The following DPH5 variants were observed in gnomAD, a reference collection of about 807,000 sequenced individuals.
DPH5 encodes the protein diphthine methyl ester synthase.
A neutral mutation model predicts 31.6 loss-of-function variants in DPH5; 31 were observed. The observed-to-expected ratio is 0.98, with a 90% confidence interval of 0.74 to 1.32. The LOEUF is 1.32. Ranked by LOEUF, DPH5 falls within the 40% of genes most tolerant of loss-of-function variation. The pLI is 0.00. For synonymous variants in DPH5, 120 were observed against 115.0 expected (o/e 1.04, Z -0.28); for missense variants, 309 against 335.7 (o/e 0.92, Z 0.62).
chr1:101,015,916 C>CTGGAT (rs1660041292), intron 3 of DPH5, among the ~76,000 whole-genome samples: 1 of 152,208 alleles, frequency 6.6e-6, no homozygotes. Context: ...GAGCCTTGCC[C>CTGGAT]TGGATTAGAC....
intron 6 of DPH5, among the ~76,000 whole-genome samples, chr1:100,994,373 T>C (rs1224240943): frequency 6.6e-6 from 1 of 152,186 alleles, no homozygotes; most frequent in Non-Finnish European, 1.5e-5. Flanking sequence ...ACATTTCAAA[T>C]GCTCCTTAGT....
At chr1:101,021,203 C>T (rs146682498) in intron 3 of DPH5, among the ~76,000 whole-genome samples, 19 of 152,070 alleles carry the variant, frequency 1.2e-4, no homozygotes, top group East Asian at 1.2e-3. Context: ...AGCAAAGTGA[C>T]GGCAGTATTG....
intron 5 of DPH5, among the ~76,000 whole-genome samples, chr1:100,999,270 C>T (rs903518268): frequency 2.0e-5 from 3 of 151,180 alleles, no homozygotes; most frequent in Admixed American, 1.3e-4. Context: ...GGCAACATGG[C>T]GAAACTCCAT....
intron 2 of DPH5, 94 bp from the exon 3 acceptor site, chr1:101,021,859 C>CACACCTG: frequency 8.2e-7 from 1 of 1,218,530 alleles, no homozygotes; most frequent in South Asian, 1.5e-5. Context: ...CACACACACA[C>CACACCTG]TCTTTGTTTG....
intron 4 of DPH5, among the ~76,000 whole-genome samples, chr1:101,003,907 T>C (rs1366465964): frequency 6.6e-6 from 1 of 152,092 alleles, no homozygotes; most frequent in Non-Finnish European, 1.5e-5. Context: ...AGCTTCAAGG[T>C]AAAACTGTTA....
intron 4 of DPH5, among the ~76,000 whole-genome samples, chr1:101,003,435 G>T (rs1219892915): frequency 6.6e-6 from 1 of 152,210 alleles, no homozygotes; most frequent in Non-Finnish European, 1.5e-5. Flanking sequence ...CTCATGGATT[G>T]TGCAGTCTTG....
At chr1:101,013,684 C>G (rs767005682) in intron 4 of DPH5, 26 bp downstream of exon 4, 1 of 1,440,184 alleles carries the variant, frequency 6.9e-7, no homozygotes, top group Non-Finnish European at 9.5e-7. Context: ...TTTAATTCCA[C>G]TGAAAAACCT....
chr1:101,017,501 A>G (rs1163150977), intron 3 of DPH5, among the ~76,000 whole-genome samples: 2 of 152,244 alleles, frequency 1.3e-5, no homozygotes. Flanking sequence ...ATAGATAAAT[A>G]TAAACATGGA....
chr1:100,992,028 G>A (rs1208758037), intron 7 of DPH5, among the ~76,000 whole-genome samples: 1 of 151,788 alleles, frequency 6.6e-6, no homozygotes, highest in African/African-American at 2.4e-5. Context: ...AGCCCAGGAG[G>A]TGGAGGCTGC....
chr1:101,003,293 G>A (rs1240252535), intron 4 of DPH5, among the ~76,000 whole-genome samples: 1 of 152,170 alleles, frequency 6.6e-6, no homozygotes, highest in East Asian at 1.9e-4. Context: ...GCCCTGCTGA[G>A]GGGTTTTGTT....
At chr1:101,004,736 G>A (rs1449625538) in intron 4 of DPH5, among the ~76,000 whole-genome samples, 1 of 152,046 alleles carries the variant, frequency 6.6e-6, no homozygotes, top group African/African-American at 2.4e-5. Context: ...CCACTAAGAG[G>A]GCATCTGAAG....
chr1:101,025,535 G>A lies in DPH5; in HGVS notation c.-23-69C>T, dbSNP rs573897914. 147 of 1,486,046 alleles carry A rather than the reference G, an allele frequency of 9.9e-5. No homozygotes were observed. The Middle Eastern group carries it at 2.1e-3, about 21-fold the overall frequency. The allele number at this position is 1,486,046 out of a possible 1,614,324, so 92.1% of individuals were successfully genotyped here. On this transcript the variant is annotated intron_variant, in intron 1 of 7. Coordinates refer to ENST00000370109, the MANE Select transcript of DPH5 (RefSeq NM_015958.3). Reference sequence around the variant, plus strand: ...ACATCTAAAATCTAGTGATGAACACGATGACAACCAAAGTAGCACAAGAGA... The same window carrying A: ...ACATCTAAAATCTAGTGATGAACACAATGACAACCAAAGTAGCACAAGAGA...
At chr1:101,020,715 C>G (rs977473440) in intron 3 of DPH5, among the ~76,000 whole-genome samples, 1 of 152,136 alleles carries the variant, frequency 6.6e-6, no homozygotes, top group Non-Finnish European at 1.5e-5. Context: ...ACACTACCAA[C>G]CACTCATTTG....
chr1:101,000,969 G>A (rs1325191460), intron 5 of DPH5, among the ~76,000 whole-genome samples: 1 of 152,160 alleles, frequency 6.6e-6, no homozygotes, highest in Non-Finnish European at 1.5e-5. Context: ...AATTGACTAG[G>A]TGACATTGGG....
intron 4 of DPH5, among the ~76,000 whole-genome samples, chr1:101,006,006 C>T (rs1311502519): frequency 2.0e-5 from 3 of 152,118 alleles, no homozygotes; most frequent in Non-Finnish European, 2.9e-5. Flanking sequence ...GGATTTCCCC[C>T]GTTTACTCTG....
At chr1:101,009,148 A>G (rs1303324289) in intron 4 of DPH5, among the ~76,000 whole-genome samples, 4 of 152,224 alleles carry the variant, frequency 2.6e-5, no homozygotes, top group African/African-American at 9.6e-5. Context: ...AGAGACTTCA[A>G]GGCAACATCC....
chr1:101,018,579 CA>C (rs1182794180), intron 3 of DPH5, among the ~76,000 whole-genome samples: 1 of 152,114 alleles, frequency 6.6e-6, no homozygotes, highest in Non-Finnish European at 1.5e-5. Flanking sequence ...CCGTTTTTGA[CA>C]TAAGTGTGGC....
Position 100,990,406 on chromosome 1 carries a change from GT to G in DPH5, c.*1del. On this transcript the variant is annotated 3_prime_UTR_variant, in exon 8 of 8. Coordinates refer to ENST00000370109, the MANE Select transcript of DPH5 (RefSeq NM_015958.3). ...ACATCAGACAATGGTAAATATCTATGTTCAAAGTCCATTGATGCTTTGAGAT... is the reference window on the plus strand; with the variant it reads ...ACATCAGACAATGGTAAATATCTATGTCAAAGTCCATTGATGCTTTGAGAT... 1 of 1,612,468 alleles carries G rather than the reference GT, an allele frequency of 6.2e-7. No individual in the cohort carries two copies. Among genetic ancestry groups the G allele is most frequent in the Non-Finnish European group, 8.5e-7 (1 of 1,178,602 alleles).
Position 100,990,629 on chromosome 1 carries a change from C to A in DPH5, c.637G>T (p.Val213Phe), listed in dbSNP as rs774032318. The change falls in exon 8 of 8, where the codon GTT becomes TTT. Residue 213 changes from valine (V) to phenylalanine (F), a missense_variant and splice_region_variant. Val to Phe is a conservative substitution (Grantham distance 50). Coordinates refer to ENST00000370109, the MANE Select transcript of DPH5 (RefSeq NM_015958.3). ...NQRIRGEEPA[V>F]TEETLCVGLA... Reference sequence around the variant, plus strand: ...CCAACACAAAGTGTCTCCTCGGTAACTGCTATTAAAAAAAAAAGATACTGC... The same window carrying A: ...CCAACACAAAGTGTCTCCTCGGTAAATGCTATTAAAAAAAAAAGATACTGC... 6.2e-7 allele frequency: 1 copy of A among 1,612,898 alleles called. No individual in the cohort carries two copies. Among genetic ancestry groups the A allele is most frequent in the South Asian group, 1.1e-5 (1 of 90,898 alleles).
Sources: allele counts gnomAD v4.1 joint callset (sites outside exome capture counted in the v4.1 genomes callset), GRCh38; gene constraint gnomAD v4.1.1; transcripts MANE v1.5; gene names NCBI Gene and HGNC (gene_info 2026-07-23, HGNC 2026-07-21).